Variants in SCMH1 observed in about 807,000 individuals in gnomAD.
The protein encoded by SCMH1 is Scm polycomb group protein homolog 1, also known as polycomb protein SCMH1.
Under a neutral mutation model 70.8 loss-of-function variants are expected in SCMH1, and 37 were observed. That is an observed-to-expected ratio of 0.52 (90% CI 0.40 to 0.69). The LOEUF (loss-of-function observed/expected upper bound fraction) is 0.69, where lower values mean the gene tolerates loss of function less well. Among genes scored for constraint, SCMH1 ranks in the 30% least tolerant of loss-of-function variants. The pLI is 0.00. For missense variants in SCMH1, 607 were observed against 827.3 expected, an observed-to-expected ratio of 0.73 and a Z score of 3.27; for synonymous variants, 292 against 307.4, an observed-to-expected ratio of 0.95 and a Z score of 0.52.
intron 2 of SCMH1, among the ~76,000 whole-genome samples, chr1:41,171,054 C>T (rs982605769): frequency 1.3e-5 from 2 of 152,206 alleles, no homozygotes; most frequent in African/African-American, 4.8e-5. Context: ...CACTTATTTG[C>T]ATAGAAATTA....
intron 10 of SCMH1, among the ~76,000 whole-genome samples, chr1:41,056,325 G>A (rs991386850): frequency 3.3e-5 from 5 of 152,250 alleles, no homozygotes; most frequent in African/African-American, 1.2e-4. Flanking sequence ...GATGCCATGT[G>A]GCGCAGAGAT....
intron 1 of SCMH1, among the ~76,000 whole-genome samples, chr1:41,209,924 C>T (rs1656584032): frequency 6.6e-6 from 1 of 152,186 alleles, no homozygotes; most frequent in Non-Finnish European, 1.5e-5. Context: ...GTCAAATTGT[C>T]CCTGTTTGCA....
chr1:41,143,409 G>C (rs555468084), intron 5 of SCMH1, among the ~76,000 whole-genome samples: 1 of 152,170 alleles, frequency 6.6e-6, no homozygotes, highest in African/African-American at 2.4e-5. Flanking sequence ...TACCCTTCCA[G>C]GTAGGGACTT....
At chr1:41,114,661 T>TTCCCTC (rs1670009345) in intron 7 of SCMH1, among the ~76,000 whole-genome samples, 1 of 148,166 alleles carries the variant, frequency 6.7e-6, no homozygotes, top group Admixed American at 6.7e-5. Flanking sequence ...AAGATTTCCT[T>TTCCCTC]TCTCTCTCTC....
intron 8 of SCMH1, among the ~76,000 whole-genome samples, chr1:41,087,200 C>A (rs894171772): frequency 6.6e-6 from 1 of 151,984 alleles, no homozygotes; most frequent in Non-Finnish European, 1.5e-5. Context: ...AGATCTATTT[C>A]TCACACCAAA....
At position 41,061,861 on chromosome 1, in the gene SCMH1, T is replaced by G. The variant is rs186159792; in HGVS notation, c.1105+8734A>C. Among the ~76,000 whole-genome samples, 17 of 152,324 alleles carry G rather than the reference T, an allele frequency of 1.1e-4. No homozygotes were observed. In the East Asian group the frequency reaches 3.3e-3, roughly 29 times the overall value. On this transcript the variant is annotated intron_variant, in intron 10 of 14. Transcript: ENST00000337495. ...ACATCTGAATATATTTTTTTAATTTTTAAAATTTCTCATTTTTTTTTGAGA... is the reference window on the plus strand; with the variant it reads ...ACATCTGAATATATTTTTTTAATTTGTAAAATTTCTCATTTTTTTTTGAGA...
intron 2 of SCMH1, among the ~76,000 whole-genome samples, chr1:41,165,248 G>A (rs1326290069): frequency 2.0e-5 from 3 of 152,032 alleles, no homozygotes; most frequent in Admixed American, 6.6e-5. Flanking sequence ...ATTCCATTGT[G>A]TATATATACC....
intron 1 of SCMH1, among the ~76,000 whole-genome samples, chr1:41,221,893 CAAAAAAAAAAAAAAA>C (rs34257855): frequency 2.0e-4 from 9 of 45,058 alleles, no homozygotes; most frequent in South Asian, 3.5e-3. Context: ...GACTCCGTCT[CAAAAAAAAAAAAAAA>C]AAAAAAAAAA....
chr1:41,066,043 C>G (rs548081300), intron 10 of SCMH1, among the ~76,000 whole-genome samples: 125 of 152,300 alleles, frequency 8.2e-4, no homozygotes, highest in Non-Finnish European at 1.6e-3. Flanking sequence ...GAACCCATTT[C>G]CAATTTTTGC....
chr1:41,123,182 G>T (rs757185803), intron 6 of SCMH1, among the ~76,000 whole-genome samples: 2 of 152,090 alleles, frequency 1.3e-5, no homozygotes, highest in Non-Finnish European at 2.9e-5. Context: ...TGATTGTGAC[G>T]CTGCATTCCA....
At chr1:41,056,524 G>A (rs1460495892) in intron 10 of SCMH1, among the ~76,000 whole-genome samples, 1 of 151,792 alleles carries the variant, frequency 6.6e-6, no homozygotes, top group East Asian at 1.9e-4. Context: ...GAAAGGTCTG[G>A]CACATAAGGA....
At chr1:41,184,232 T>C (rs995761072) in intron 2 of SCMH1, among the ~76,000 whole-genome samples, 3 of 152,198 alleles carry the variant, frequency 2.0e-5, no homozygotes. Context: ...CATTACTATA[T>C]ATACCAGGCC....
chr1:41,169,396 G>A (rs1226347183), intron 2 of SCMH1, among the ~76,000 whole-genome samples: 1 of 152,014 alleles, frequency 6.6e-6, no homozygotes, highest in African/African-American at 2.4e-5. Flanking sequence ...GGACCTACAT[G>A]TTCCTACTTC....
chr1:41,208,256 T>G (rs1260120937), intron 1 of SCMH1, among the ~76,000 whole-genome samples: 7 of 103,800 alleles, frequency 6.7e-5, no homozygotes, highest in African/African-American at 2.6e-4. Context: ...AAGGGGAATA[T>G]CACACTCTGG....
intron 9 of SCMH1, among the ~76,000 whole-genome samples, chr1:41,071,382 T>C (rs530683312): frequency 2.0e-5 from 3 of 152,286 alleles, no homozygotes; most frequent in East Asian, 3.9e-4. Flanking sequence ...GTTACCTCTG[T>C]TTTTTGAACT....
At chr1:41,094,394 A>G (rs1393622267) in intron 8 of SCMH1, among the ~76,000 whole-genome samples, 1 of 152,176 alleles carries the variant, frequency 6.6e-6, no homozygotes, top group East Asian at 1.9e-4. Context: ...AAAAAAGGCA[A>G]GTAGAGTTAA....
chr1:41,208,448 T>TA (rs948791565), intron 1 of SCMH1, among the ~76,000 whole-genome samples: 2 of 93,102 alleles, frequency 2.1e-5, no homozygotes, highest in African/African-American at 6.3e-5. Flanking sequence ...AAAAAAAAAA[T>TA]AAAAAATAAA....
chr1:41,130,648 A>G lies in SCMH1; in HGVS notation c.412+12230T>C, dbSNP rs181497697. ...AAATTAGCTTCACAATTCACACACC[A>G]TAAAATTTACTCTTTTAAGTATATA... is the stretch of plus-strand genomic sequence containing the variant. On this transcript the variant is annotated intron_variant, in intron 6 of 14. Coordinates refer to ENST00000337495, the Ensembl canonical transcript of SCMH1. Among the ~76,000 whole-genome samples, 72 of 152,320 alleles carry G rather than the reference A, an allele frequency of 4.7e-4. 3 individuals carry two copies. In the East Asian group the frequency reaches 0.01, roughly 22 times the overall value.
intron 8 of SCMH1, among the ~76,000 whole-genome samples, chr1:41,106,041 A>AT (rs780382928): frequency 2.1e-4 from 32 of 151,424 alleles, no homozygotes; most frequent in Non-Finnish European, 3.1e-4. Context: ...TGCCCAGCTA[A>AT]TTTTTGTATT....
Sources: allele counts gnomAD v4.1 joint callset (sites outside exome capture counted in the v4.1 genomes callset), GRCh38; gene constraint gnomAD v4.1.1; transcripts MANE v1.5; gene names NCBI Gene and HGNC (gene_info 2026-07-23, HGNC 2026-07-21).